Variants in PIGN observed in about 807,000 individuals in gnomAD.
PIGN encodes phosphatidylinositol glycan anchor biosynthesis class N, also known as GPI ethanolamine phosphate transferase 1.
In PIGN, 117 loss-of-function variants were observed where a neutral mutation model predicts 125.4. The observed-to-expected ratio is 0.93, with a 90% CI of 0.80 to 1.09. PIGN has a LOEUF of 1.09. Among genes scored for constraint, PIGN ranks in the 50% least tolerant of loss-of-function variants. The probability of loss-of-function intolerance (pLI) is 0.00; values close to 1 mark genes in which losing one functional copy is unlikely to be tolerated. For synonymous variants in PIGN, 392 were observed against 377.8 expected, an observed-to-expected ratio of 1.04 and a Z score of -0.44; for missense variants, 1,075 against 1,094.9, an observed-to-expected ratio of 0.98 and a Z score of 0.26.
At chr18:62,154,502 T>C in intron 7 of PIGN, 43 bp downstream of exon 7, 1 of 925,440 alleles carries the variant, frequency 1.1e-6, no homozygotes, top group Non-Finnish European at 1.8e-6. Context: ...ATACTTCAGG[T>C]AAAAATATGC....
chr18:62,171,427 G>T (rs1490883278), intron 1 of PIGN, among the ~76,000 whole-genome samples: 4 of 152,050 alleles, frequency 2.6e-5, no homozygotes, highest in African/African-American at 9.7e-5. Flanking sequence ...AAAGACAATT[G>T]TACTTCTTGT....
At chr18:62,137,379 C>T (rs2035973003) in intron 14 of PIGN, 1 of 352,158 alleles carries the variant, frequency 2.8e-6, no homozygotes, top group Non-Finnish European at 5.1e-6. Flanking sequence ...ACGGTCTATT[C>T]TGGGACGTCA....
intron 7 of PIGN, among the ~76,000 whole-genome samples, chr18:62,150,021 G>A (rs180978561): frequency 2.6e-5 from 4 of 152,148 alleles, no homozygotes; most frequent in South Asian, 2.1e-4. Flanking sequence ...AGTCTCTATC[G>A]CCCAGGCTGG....
At chr18:62,064,579 A>G (rs2032391862) in intron 30 of PIGN, among the ~76,000 whole-genome samples, 1 of 152,238 alleles carries the variant, frequency 6.6e-6, no homozygotes, top group Non-Finnish European at 1.5e-5. Context: ...AGTCTTTCAG[A>G]ACCAGTTTCT....
chr18:62,150,409 T>C (rs1392132084), intron 7 of PIGN, among the ~76,000 whole-genome samples: 4 of 152,268 alleles, frequency 2.6e-5, no homozygotes, highest in East Asian at 1.9e-4. Flanking sequence ...TAAGGGAATA[T>C]AGAGGAGGGT....
At chr18:62,157,449 T>G (rs981441549) in intron 5 of PIGN, among the ~76,000 whole-genome samples, 3 of 152,188 alleles carry the variant, frequency 2.0e-5, no homozygotes, top group Admixed American at 2.0e-4. Flanking sequence ...AAGAGTAATA[T>G]CTAGGAAAAT....
At chr18:62,036,376 A>G (rs1172049755), downstream of PIGN, among the ~76,000 whole-genome samples, 2 of 151,804 alleles carry the variant, frequency 1.3e-5, no homozygotes, top group African/African-American at 4.8e-5. Flanking sequence ...AGTAGCTGGG[A>G]CTATAGGTGT....
chr18:62,097,517 G>A (rs902840311), intron 22 of PIGN, among the ~76,000 whole-genome samples: 3 of 150,704 alleles, frequency 2.0e-5, no homozygotes, highest in Admixed American at 6.6e-5. Context: ...TCAGTGTGGC[G>A]ATTCCTCAGG....
chr18:62,174,146 G>A (rs534963109), intron 1 of PIGN, among the ~76,000 whole-genome samples: 75 of 151,592 alleles, frequency 4.9e-4, no homozygotes, highest in Non-Finnish European at 8.5e-4. Flanking sequence ...TCTGGGAGGC[G>A]GAGTTTACAG....
downstream of PIGN, among the ~76,000 whole-genome samples, chr18:62,039,167 G>A (rs2030300936): frequency 1.3e-5 from 2 of 151,930 alleles, no homozygotes; most frequent in South Asian, 4.2e-4. Context: ...GTAAAATTAT[G>A]TGTATAGAGT....
intron 22 of PIGN, among the ~76,000 whole-genome samples, chr18:62,097,496 T>C (rs8095118): frequency 0.58 from 84,873 of 146,806 alleles, 25,267 homozygotes; most frequent in East Asian, 0.78. Flanking sequence ...CTAGTTCAAC[T>C]ATTGTGGAAG....
At chr18:62,068,874 A>G (rs964026482) in intron 30 of PIGN, among the ~76,000 whole-genome samples, 2 of 152,164 alleles carry the variant, frequency 1.3e-5, no homozygotes, top group Non-Finnish European at 2.9e-5. Context: ...CAGTGTTCAG[A>G]CAGCTCCTGT....
intron 30 of PIGN, among the ~76,000 whole-genome samples, chr18:62,065,633 G>A (rs1599434682): frequency 6.6e-6 from 1 of 152,076 alleles, no homozygotes; most frequent in Non-Finnish European, 1.5e-5. Flanking sequence ...CAGCTACTCG[G>A]GAGGCTGAGG....
chr18:62,116,397 C>T (rs1042171868), intron 14 of PIGN, among the ~76,000 whole-genome samples: 2 of 152,186 alleles, frequency 1.3e-5, no homozygotes, highest in African/African-American at 4.8e-5. Flanking sequence ...TCTACTTCAT[C>T]AATTCTAATC....
At chr18:62,035,518 AT>A (rs2030247351) in intron 23 of PIGN, among the ~76,000 whole-genome samples, 1 of 152,092 alleles carries the variant, frequency 6.6e-6, no homozygotes, top group South Asian at 2.1e-4. Flanking sequence ...AACCTAACTT[AT>A]TACTTTTTTA....
chr18:62,019,547 C>A (rs1357791306), intron 23 of PIGN, among the ~76,000 whole-genome samples: 1 of 152,198 alleles, frequency 6.6e-6, no homozygotes, highest in African/African-American at 2.4e-5. Context: ...TTTAAATCCA[C>A]CTTAATAACC....
chr18:62,041,638 C>CGG lies in PIGN; in HGVS notation c.*4216_*4217dup, dbSNP rs200294782. ...GGATTACAGGAGCCTACCACCCCGC[C>CGG]GGGTGTGTGTGTGTGTGTGTGTGTG... is the stretch of plus-strand genomic sequence containing the variant. On this transcript the variant is annotated 3_prime_UTR_variant, in exon 31 of 31. Coordinates refer to ENST00000640252, the MANE Select transcript of PIGN (RefSeq NM_176787.5). The CGG allele has an allele frequency of 0.029, 2,766 of 94,788 alleles. 161 individuals are homozygous for CGG. The highest frequency in any genetic ancestry group is 0.043 in the Non-Finnish European group (1,980 of 46,134). The allele number at this position is 94,788 out of a possible 1,614,324, so 5.9% of individuals were successfully genotyped here.
downstream of PIGN, among the ~76,000 whole-genome samples, chr18:62,040,887 A>G (rs2144920890): frequency 6.6e-6 from 1 of 152,350 alleles, no homozygotes; most frequent in South Asian, 2.1e-4. Flanking sequence ...TATCTGCTTA[A>G]AGTAAAAACA....
At chr18:62,134,390 CAAACA>C (rs758134890) in intron 14 of PIGN, among the ~76,000 whole-genome samples, 5 of 152,080 alleles carry the variant, frequency 3.3e-5, no homozygotes, top group Non-Finnish European at 5.9e-5. Flanking sequence ...GAGTCAGTCT[CAAACA>C]AAACAAAACA....
Sources: allele counts gnomAD v4.1 joint callset (sites outside exome capture counted in the v4.1 genomes callset), GRCh38; gene constraint gnomAD v4.1.1; transcripts MANE v1.5; gene names NCBI Gene and HGNC (gene_info 2026-07-23, HGNC 2026-07-21).